RCBTB2: variants seen among roughly 807,000 people sequenced by gnomAD.
RCBTB2 encodes RCC1 and BTB domain-containing protein 2.
In RCBTB2, 55 loss-of-function variants were observed where a neutral mutation model predicts 65.4. The observed-to-expected ratio is 0.84, with a 90% CI of 0.68 to 1.05. RCBTB2 has a LOEUF of 1.05. Among genes scored for constraint, RCBTB2 ranks in the 50% least tolerant of loss-of-function variants. The probability of loss-of-function intolerance (pLI) is 0.00; values close to 1 mark genes in which losing one functional copy is unlikely to be tolerated. For missense variants in RCBTB2, 599 were observed against 680.1 expected (o/e 0.88, Z 1.33); for synonymous variants, 220 against 255.2 (o/e 0.86, Z 1.31).
chr13:48,493,484 A>C (rs1949837649), intron 14 of RCBTB2, among the ~76,000 whole-genome samples: 1 of 151,542 alleles, frequency 6.6e-6, no homozygotes. Flanking sequence ...TCACCTTGGA[A>C]CTCTGATTCC....
intron 13 of RCBTB2, among the ~76,000 whole-genome samples, chr13:48,497,001 C>A (rs1950015282): frequency 6.6e-6 from 1 of 152,188 alleles, no homozygotes; most frequent in African/African-American, 2.4e-5. Context: ...CCATTACAAG[C>A]AGAACCCCAT....
At chr13:48,493,342 T>TCTCTCTCTC (rs1414517284) in intron 14 of RCBTB2, among the ~76,000 whole-genome samples, 1 of 22,202 alleles carries the variant, frequency 4.5e-5, no homozygotes, top group Non-Finnish European at 1.6e-4. Flanking sequence ...CTCTCTCTCT[T>TCTCTCTCTC]CTCTTCTCTC....
At chr13:48,519,316 T>C (rs1422089769) in intron 4 of RCBTB2, among the ~76,000 whole-genome samples, 2 of 152,206 alleles carry the variant, frequency 1.3e-5, no homozygotes, top group Admixed American at 1.3e-4. Context: ...CATGGAAAGA[T>C]ACAATGACTG....
At chr13:48,491,997 T>C (rs559047217) in intron 14 of RCBTB2, among the ~76,000 whole-genome samples, 1 of 152,324 alleles carries the variant, frequency 6.6e-6, no homozygotes, top group South Asian at 2.1e-4. Flanking sequence ...CCACTCTGTA[T>C]GGCTTCATGT....
intron 1 of RCBTB2, among the ~76,000 whole-genome samples, chr13:48,526,593 A>T (rs189198733): frequency 2.6e-3 from 391 of 152,252 alleles, no homozygotes; most frequent in Admixed American, 4.6e-3. Flanking sequence ...CATTAGCCTA[A>T]GCAACAGAGC....
At chr13:48,500,160 T>C (rs942691017) in intron 12 of RCBTB2, among the ~76,000 whole-genome samples, 1 of 152,194 alleles carries the variant, frequency 6.6e-6, no homozygotes, top group Non-Finnish European at 1.5e-5. Flanking sequence ...GGCCAATACC[T>C]CAAAATGTGA....
intron 2 of RCBTB2, among the ~76,000 whole-genome samples, chr13:48,522,973 G>A (rs1951508793): frequency 6.6e-6 from 1 of 152,026 alleles, no homozygotes; most frequent in Non-Finnish European, 1.5e-5. Context: ...AGATCTCTCA[G>A]AATACGAGAA....
chr13:48,510,804 A>G, intron 9 of RCBTB2, 33 bp from the exon 10 acceptor site: 1 of 1,576,858 alleles, frequency 6.3e-7, no homozygotes, highest in Non-Finnish European at 8.7e-7. Context: ...AGGACTGCAA[A>G]TATAAGTAAT....
At chr13:48,510,909 C>T in intron 9 of RCBTB2, 138 bp from the exon 10 acceptor site, 9 of 825,634 alleles carry the variant, frequency 1.1e-5, no homozygotes, top group South Asian at 1.8e-5. Flanking sequence ...TTAAGTTAAC[C>T]AACATCCTTC....
intron 13 of RCBTB2, among the ~76,000 whole-genome samples, chr13:48,497,283 C>T (rs1045099714): frequency 6.6e-6 from 1 of 152,172 alleles, no homozygotes; most frequent in African/African-American, 2.4e-5. Flanking sequence ...TCCTCACTTA[C>T]TTCCCAAAAC....
intron 14 of RCBTB2, among the ~76,000 whole-genome samples, chr13:48,494,824 C>T (rs1949899740): frequency 6.6e-6 from 1 of 151,860 alleles, no homozygotes; most frequent in African/African-American, 2.4e-5. Flanking sequence ...TGATATAAAA[C>T]ATTCACTGTG....
At chr13:48,522,198 GA>G (rs34188167) in intron 3 of RCBTB2, 109 bp downstream of exon 3, 1 of 802,250 alleles carries the variant, frequency 1.2e-6, no homozygotes. Flanking sequence ...GCTGAGGTCT[GA>G]AAAAGTAGTC....
chr13:48,522,312 G>A lies in RCBTB2; in HGVS notation c.-28C>T. ...AAGGAAAAATAAATTTTAGACCTTT[G>A]TCAACTTTTCTCTGGGATTGGAAAG... On this transcript the variant is annotated 5_prime_UTR_variant, in exon 3 of 15. Transcript: ENST00000344532. The A allele has an allele frequency of 6.6e-7, 1 of 1,520,562 alleles. No homozygotes were observed. 94.2% of individuals were successfully genotyped at this position (1,520,562 alleles called of 1,614,324 possible).
chr13:48,513,313 A>T (rs1460296152), intron 6 of RCBTB2, among the ~76,000 whole-genome samples: 1 of 152,202 alleles, frequency 6.6e-6, no homozygotes, highest in Non-Finnish European at 1.5e-5. Flanking sequence ...AATATACAGA[A>T]AAGTTAATAA....
At chr13:48,497,209 G>C (rs751626100) in intron 13 of RCBTB2, among the ~76,000 whole-genome samples, 1 of 152,096 alleles carries the variant, frequency 6.6e-6, no homozygotes, top group Non-Finnish European at 1.5e-5. Context: ...CAGTTCTCTA[G>C]GCTGGATCAT....
chr13:48,529,712 C>T (rs1951998632), intron 1 of RCBTB2, among the ~76,000 whole-genome samples: 1 of 152,132 alleles, frequency 6.6e-6, no homozygotes, highest in South Asian at 2.1e-4. Flanking sequence ...CTCAGCCTTC[C>T]ATTGATGGAC....
intron 6 of RCBTB2, 84 bp from the exon 7 acceptor site, chr13:48,512,979 G>A: frequency 1.7e-6 from 2 of 1,146,646 alleles, no homozygotes; most frequent in Middle Eastern, 2.1e-4. Context: ...TTCCACAAAT[G>A]AAATCTAAAA....
At chr13:48,505,354 G>A (rs891127512) in intron 10 of RCBTB2, among the ~76,000 whole-genome samples, 1 of 152,224 alleles carries the variant, frequency 6.6e-6, no homozygotes, top group Non-Finnish European at 1.5e-5. Flanking sequence ...TGGAGACCAT[G>A]TATTTCTAGT....
intron 6 of RCBTB2, 25 bp downstream of exon 6, chr13:48,515,180 A>G (rs748259602): frequency 6.2e-7 from 1 of 1,601,150 alleles, no homozygotes; most frequent in South Asian, 1.1e-5. Flanking sequence ...TAAAGCTGAA[A>G]TTCTACATGG....
Sources: allele counts gnomAD v4.1 joint callset (sites outside exome capture counted in the v4.1 genomes callset), GRCh38; gene constraint gnomAD v4.1.1; transcripts MANE v1.5; gene names NCBI Gene and HGNC (gene_info 2026-07-23, HGNC 2026-07-21).